The following ARID4B variants were observed in gnomAD, a reference collection of about 807,000 sequenced individuals.
The protein encoded by ARID4B is AT-rich interactive domain-containing protein 4B.
A neutral mutation model predicts 147.5 loss-of-function variants in ARID4B; 26 were observed. The observed-to-expected ratio is 0.18, with a 90% CI of 0.13 to 0.24. The LOEUF is 0.24. ARID4B is among the 10% of genes least tolerant of loss of function. The pLI, the probability that ARID4B is intolerant of heterozygous loss-of-function variation, is 1.00. For synonymous variants in ARID4B, 512 were observed against 507.9 expected, an observed-to-expected ratio of 1.01 and a Z score of -0.11; for missense variants, 1,179 against 1,511.5, an observed-to-expected ratio of 0.78 and a Z score of 3.65.
At chr1:235,295,870 T>C (rs1672666832) in intron 2 of ARID4B, 1 of 151,072 alleles carries the variant, frequency 6.6e-6, no homozygotes, top group Non-Finnish European at 1.5e-5. Context: ...CAAGAAGGCA[T>C]CACAGGCAAA....
chr1:235,199,680 G>A (rs1207752614), intron 17 of ARID4B, among the ~76,000 whole-genome samples: 1 of 152,168 alleles, frequency 6.6e-6, no homozygotes, highest in East Asian at 1.9e-4. Context: ...GCGTGAAGAG[G>A]AAGAAAAGGA....
chr1:235,226,054 C>T (rs1667807888), intron 11 of ARID4B, among the ~76,000 whole-genome samples: 1 of 152,130 alleles, frequency 6.6e-6, no homozygotes, highest in Admixed American at 6.5e-5. Context: ...CAATATTTAA[C>T]TTTAATAAAC....
intron 2 of ARID4B, among the ~76,000 whole-genome samples, chr1:235,321,860 T>G (rs979968284): frequency 3.9e-5 from 6 of 151,906 alleles, no homozygotes; most frequent in Non-Finnish European, 1.5e-5. Context: ...ATGCATTAGT[T>G]CAGGCCCTTA....
At chr1:235,265,514 C>G (rs1670545123) in intron 2 of ARID4B, among the ~76,000 whole-genome samples, 2 of 151,822 alleles carry the variant, frequency 1.3e-5, no homozygotes, top group Admixed American at 1.3e-4. Context: ...GACTGGGCAA[C>G]ATGGCAAAAC....
intron 8 of ARID4B, among the ~76,000 whole-genome samples, chr1:235,236,833 A>AAAAAAAAAATATATAT (rs1175189621): frequency 3.0e-5 from 1 of 33,522 alleles, no homozygotes; most frequent in Non-Finnish European, 4.7e-5. Context: ...TTTTATAAAA[A>AAAAAAAAAATATATAT]ATATATATAT....
intron 2 of ARID4B, among the ~76,000 whole-genome samples, chr1:235,326,032 C>G (rs949030058): frequency 6.6e-6 from 1 of 152,104 alleles, no homozygotes; most frequent in Non-Finnish European, 1.5e-5. Flanking sequence ...TGTGAACACT[C>G]TACCCTTTTC....
At chr1:235,312,363 T>C (rs1423037446) in intron 2 of ARID4B, among the ~76,000 whole-genome samples, 2 of 152,060 alleles carry the variant, frequency 1.3e-5, no homozygotes, top group Non-Finnish European at 2.9e-5. Flanking sequence ...CATAACAAAA[T>C]AAATACTCAT....
chr1:235,260,257 G>T (rs1289804951), intron 3 of ARID4B, among the ~76,000 whole-genome samples: 1 of 152,132 alleles, frequency 6.6e-6, no homozygotes, highest in African/African-American at 2.4e-5. Flanking sequence ...CCTTAAAATT[G>T]ATGAACTATG....
chr1:235,307,038 T>C (rs1453542248), intron 2 of ARID4B, among the ~76,000 whole-genome samples: 3 of 152,120 alleles, frequency 2.0e-5, no homozygotes, highest in Non-Finnish European at 2.9e-5. Flanking sequence ...AAAACTACAA[T>C]TGGAAAGCTT....
intron 17 of ARID4B, among the ~76,000 whole-genome samples, chr1:235,211,259 A>G (rs1403671230): frequency 6.6e-6 from 1 of 152,124 alleles, no homozygotes; most frequent in Non-Finnish European, 1.5e-5. Context: ...TGAACCCGGG[A>G]GGCGGAGGCT....
At chr1:235,299,072 A>G (rs562857576) in intron 2 of ARID4B, among the ~76,000 whole-genome samples, 2 of 152,218 alleles carry the variant, frequency 1.3e-5, no homozygotes, top group African/African-American at 4.8e-5. Context: ...TAGACAACAA[A>G]GTGAGATGCC....
At chr1:235,175,479 A>G (rs1663800201) in intron 21 of ARID4B, 80 bp from the exon 22 acceptor site, 3 of 1,193,610 alleles carry the variant, frequency 2.5e-6, no homozygotes, top group Non-Finnish European at 3.6e-6. Context: ...ATTTAAAATT[A>G]GCCATTTGAA....
chr1:235,263,743 T>C (rs1275916211), intron 2 of ARID4B, among the ~76,000 whole-genome samples: 1 of 150,806 alleles, frequency 6.6e-6, no homozygotes, highest in Admixed American at 6.6e-5. Flanking sequence ...ATCCCACCAC[T>C]TTGGGAGGCT....
At chr1:235,264,296 C>T (rs999446211) in intron 2 of ARID4B, among the ~76,000 whole-genome samples, 2 of 152,146 alleles carry the variant, frequency 1.3e-5, no homozygotes, top group African/African-American at 4.8e-5. Context: ...ATATAATCAT[C>T]TAGAATGAAA....
intron 2 of ARID4B, among the ~76,000 whole-genome samples, chr1:235,302,153 G>GAAAAAAAAAAAAAAA (rs749154889): frequency 3.3e-5 from 1 of 30,652 alleles, no homozygotes; most frequent in Non-Finnish European, 5.5e-5. Context: ...TCAAAAAACG[G>GAAAAAAAAAAAAAAA]AAAAAAAAAA....
intron 20 of ARID4B, 158 bp downstream of exon 20, chr1:235,181,427 A>G: frequency 1.0e-6 from 1 of 989,540 alleles, no homozygotes; most frequent in Non-Finnish European, 1.5e-6. Flanking sequence ...GCATTCCACT[A>G]TTCATTTTCA....
At chr1:235,227,554 A>G (rs1430919894) in intron 11 of ARID4B, among the ~76,000 whole-genome samples, 3 of 152,198 alleles carry the variant, frequency 2.0e-5, no homozygotes, top group Admixed American at 2.0e-4. Context: ...AATTTACTAA[A>G]CACATTAAAT....
chr1:235,317,077 C>T (rs1468173119), intron 2 of ARID4B, among the ~76,000 whole-genome samples: 1 of 152,158 alleles, frequency 6.6e-6, no homozygotes, highest in Non-Finnish European at 1.5e-5. Context: ...CCTGATTAAG[C>T]ATTTCACCTA....
chr1:235,222,413 C>T (rs1210290504), intron 13 of ARID4B, among the ~76,000 whole-genome samples: 1 of 152,064 alleles, frequency 6.6e-6, no homozygotes, highest in Non-Finnish European at 1.5e-5. Context: ...GGATAAGTAT[C>T]GTACATCACG....
Sources: gnomAD v4.1 joint callset for allele counts (sites outside exome capture counted in the v4.1 genomes callset) on GRCh38, gnomAD v4.1.1 for gene constraint, MANE v1.5 for transcripts, NCBI Gene and HGNC (gene_info 2026-07-23, HGNC 2026-07-21) for gene names.